The following SOD2 variants were observed in gnomAD, a reference collection of about 807,000 sequenced individuals.
SOD2 encodes the protein superoxide dismutase [Mn], mitochondrial.
SOD2 carries 11 observed loss-of-function variants against 27.0 expected under a neutral mutation model. The ratio of observed to expected loss-of-function variants is 0.41; its 90% CI spans 0.26 to 0.67. SOD2 has a LOEUF of 0.67. SOD2 is among the 30% of genes least tolerant of loss of function. The pLI is 0.34. For synonymous variants in SOD2, 105 were observed against 103.0 expected (o/e 1.02, Z -0.12); for missense variants, 250 against 274.5 (o/e 0.91, Z 0.63).
intron 1 of SOD2, among the ~76,000 whole-genome samples, chr6:159,710,290 A>ATATATATATAT (rs1562436109): frequency 1.1e-5 from 1 of 94,032 alleles, no homozygotes; most frequent in Non-Finnish European, 2.4e-5. Context: ...TATATATATA[A>ATATATATATAT]AATACAAAAA....
rs62437334 is a variant in SOD2, at chr6:159,711,867, G to C, written c.-116+15262C>G. ...ACCATAACCACCTCCATAACCACCA[G>C]TCACACTGCTCTGATCTCCATAACC... On this transcript the variant is annotated intron_variant, in intron 1 of 2. Transcript: ENST00000401980. Among the ~76,000 whole-genome samples the C allele has an allele frequency of 3.0e-3, 292 of 95,810 alleles. 29 individuals carry two copies. Among genetic ancestry groups the C allele is most frequent in the South Asian group, 0.011 (29 of 2,592 alleles). The allele number at this position is 95,810 out of a possible 152,430, so 62.9% of individuals were successfully genotyped here. A position where few individuals can be genotyped will look rare whatever the true frequency, so the allele number is the denominator to read the frequency against.
At position 159,671,761 on chromosome 6, in the gene SOD2, A is replaced by C. The variant is rs984312721; in HGVS notation, c.*10732T>G. On this transcript the variant is annotated 3_prime_UTR_variant, in exon 5 of 5. Transcript: ENST00000538183. ...GACGGAGAATGACTTTGACGAGTTG[A>C]GAGAAGAAGGCTTCAGATGATCAAA... is the stretch of plus-strand genomic sequence containing the variant. 2 of 152,218 alleles carry C rather than the reference A, an allele frequency of 1.3e-5. No individual in the cohort carries two copies. The highest frequency in any genetic ancestry group is 2.9e-5 in the Non-Finnish European group (2 of 68,038). 9.4% of individuals were successfully genotyped at this position (152,218 alleles called of 1,614,324 possible).
In SOD2 at chr6:159,734,908, CT is replaced by C. The variant is rs537523295; in HGVS notation, c.-116+10221del. Among the ~76,000 whole-genome samples the C allele has an allele frequency of 2.3e-3, 346 of 151,140 alleles. 1 individual carries two copies. Among genetic ancestry groups the C allele is most frequent in the African/African-American group, 8.1e-3 (334 of 41,208 alleles). On this transcript the variant is annotated intron_variant, in intron 1 of 3. Coordinates refer to the SOD2 transcript ENST00000537657. ...TGTTTATTACACATTTTTTCTTTGT[CT>C]TTTTTTTGTGTGTGGATTTGTAGTT... is the stretch of plus-strand genomic sequence containing the variant.
At chr6:159,688,669 A>G (rs1780308399) in intron 2 of SOD2, among the ~76,000 whole-genome samples, 1 of 152,014 alleles carries the variant, frequency 6.6e-6, no homozygotes, top group Non-Finnish European at 1.5e-5. Flanking sequence ...AACTCAACAT[A>G]CTCAAAATTG....
rs920083426 is a variant in SOD2 at position 159,678,738 on chromosome 6, G to A, written c.*3755C>T. 3.9e-5 allele frequency: 6 copies of A among 152,176 alleles called. No individual in the cohort carries two copies. Among genetic ancestry groups the A allele is most frequent in the African/African-American group, 7.2e-5 (3 of 41,446 alleles). 9.4% of individuals were successfully genotyped at this position (152,176 alleles called of 1,614,324 possible). A position where few individuals can be genotyped will look rare whatever the true frequency, so the allele number is the denominator to read the frequency against. On this transcript the variant is annotated 3_prime_UTR_variant, in exon 5 of 5. Transcript: ENST00000538183. The stretch of plus-strand genomic sequence containing the variant: ...GCCAGTCAGAAGTATAGGGACTTGC[G>A]ATTGGTATCTGGAGTGGGGGCAGTC...
chr6:159,696,088 A>C (rs1777417199), upstream of SOD2, among the ~76,000 whole-genome samples: 1 of 152,198 alleles, frequency 6.6e-6, no homozygotes, highest in Non-Finnish European at 1.5e-5. Flanking sequence ...CCAGTAACAG[A>C]TCCAACCACA....
chr6:159,683,183 C>G (rs1363369742), intron 4 of SOD2, among the ~76,000 whole-genome samples: 1 of 152,102 alleles, frequency 6.6e-6, no homozygotes. Context: ...TGTAAAACAT[C>G]CATTTAAAAA....
At chr6:159,745,236 C>T (rs1294894760), upstream of SOD2, 1 of 152,220 alleles carries the variant, frequency 6.6e-6, no homozygotes, top group Non-Finnish European at 1.5e-5. Context: ...CGGATTCCTA[C>T]TCTTGACATC....
intron 2 of SOD2, chr6:159,690,987 T>C (rs983363700): frequency 6.6e-6 from 1 of 152,300 alleles, no homozygotes; most frequent in Non-Finnish European, 1.5e-5. Flanking sequence ...TTATCTTTTT[T>C]CCCCAAGTTT....
At chr6:159,693,750 G>T (rs542199666), upstream of SOD2, among the ~76,000 whole-genome samples, 4 of 152,244 alleles carry the variant, frequency 2.6e-5, no homozygotes, top group Admixed American at 6.5e-5. Flanking sequence ...GGGCCTAGCT[G>T]CTGGTCAGCG....
At chr6:159,729,110 A>G (rs559442548), upstream of SOD2, among the ~76,000 whole-genome samples, 74 of 152,328 alleles carry the variant, frequency 4.9e-4, no homozygotes, top group Middle Eastern at 6.8e-3. Flanking sequence ...TGTGGAGATG[A>G]GCATTGTCAC....
At chr6:159,717,631 A>G (rs932832036) in intron 1 of SOD2, among the ~76,000 whole-genome samples, 9 of 152,270 alleles carry the variant, frequency 5.9e-5, no homozygotes, top group Non-Finnish European at 1.2e-4. Flanking sequence ...TAGTTACCCA[A>G]TGGTGCTGTA....
At chr6:159,741,954 A>C in intron 1 of SOD2, 1 of 699,174 alleles carries the variant, frequency 1.4e-6, no homozygotes, top group South Asian at 1.8e-5. Flanking sequence ...TCTGTCTAAA[A>C]AAAACTAGAT....
chr6:159,748,633 G>A (rs1779706992), upstream of SOD2: 2 of 1,285,648 alleles, frequency 1.6e-6, no homozygotes, highest in South Asian at 3.1e-5. This position sits in a 1 kb window ranked among gnomAD's most constrained non-coding sequence, Gnocchi z 5.6. Context: ...GGCCACCTCC[G>A]AAAAATTCCC....
intron 2 of SOD2, chr6:159,692,377 G>C: frequency 2.3e-6 from 3 of 1,320,862 alleles, no homozygotes; most frequent in Non-Finnish European, 2.9e-6. Flanking sequence ...CACCAGTGCT[G>C]GCAATATGTG....
chr6:159,733,114 C>T (rs1778689709), intron 1 of SOD2, among the ~76,000 whole-genome samples: 1 of 152,022 alleles, frequency 6.6e-6, no homozygotes, highest in Non-Finnish European at 1.5e-5. Context: ...TACAAAGCAG[C>T]TTTCTGTAAT....
intron 4 of SOD2, among the ~76,000 whole-genome samples, chr6:159,683,171 T>C (rs549501555): frequency 6.6e-6 from 1 of 152,318 alleles, no homozygotes; most frequent in South Asian, 2.1e-4. Flanking sequence ...TTTAGTTCTA[T>C]CTGTAAAACA....
chr6:159,742,501 A>G (rs1188194443), intron 1 of SOD2, among the ~76,000 whole-genome samples: 2 of 152,202 alleles, frequency 1.3e-5, no homozygotes, highest in African/African-American at 2.4e-5. Flanking sequence ...CTAGAAGAGA[A>G]ATAAACAGAA....
chr6:159,703,065 A>G (rs1022346553), intron 1 of SOD2, among the ~76,000 whole-genome samples: 1 of 152,152 alleles, frequency 6.6e-6, no homozygotes, highest in Non-Finnish European at 1.5e-5. Context: ...CTGTAATCCC[A>G]GCACTTTTGA....
Sources: allele counts gnomAD v4.1 joint callset (sites outside exome capture counted in the v4.1 genomes callset), GRCh38; gene constraint gnomAD v4.1.1; non-coding constraint Gnocchi (gnomAD v3.1); transcripts MANE v1.5; gene names NCBI Gene and HGNC (gene_info 2026-07-23, HGNC 2026-07-21).